The following SHISA6 variants were observed in gnomAD, a reference collection of about 807,000 sequenced individuals.
The protein encoded by SHISA6 is shisa family member 6, also known as protein shisa-6.
Under a neutral mutation model 47.9 loss-of-function variants are expected in SHISA6, and 22 were observed. That is an observed-to-expected ratio of 0.46 (90% confidence interval 0.33 to 0.66). The LOEUF (loss-of-function observed/expected upper bound fraction) is 0.66. Ranked by LOEUF, SHISA6 falls within the 30% of genes least tolerant of loss-of-function variation. The pLI, the probability that SHISA6 is intolerant of heterozygous loss-of-function variation, is 0.02. For synonymous variants in SHISA6, 388 were observed against 337.8 expected (o/e 1.15, Z -1.63); for missense variants, 680 against 764.6 (o/e 0.89, Z 1.30).
At position 11,531,743 on chromosome 17, in the gene SHISA6, G is replaced by A. The variant is rs567835254; in HGVS notation, c.896-20153G>A. Among the ~76,000 whole-genome samples the A allele has an allele frequency of 3.9e-5, 6 of 152,282 alleles. No homozygotes were observed. The South Asian group carries it at 1.2e-3, about 32-fold the overall frequency. The stretch of plus-strand genomic sequence containing the variant: ...GATTCAGAAGCAATGCCTTAGACGG[G>A]AGGAATAAGCTTTAGTGATCCACTG... On this transcript the variant is annotated intron_variant, in intron 3 of 5. Transcript: ENST00000441885.
chr17:11,459,203 A>G (rs1299474561), intron 3 of SHISA6, among the ~76,000 whole-genome samples: 1 of 143,668 alleles, frequency 7.0e-6, no homozygotes, highest in Admixed American at 7.2e-5. Flanking sequence ...CGGGCGACAG[A>G]GCGAGACTCC....
intron 2 of SHISA6, among the ~76,000 whole-genome samples, chr17:11,280,927 A>C (rs558615614): frequency 6.6e-6 from 1 of 152,266 alleles, no homozygotes; most frequent in African/African-American, 2.4e-5. Context: ...TTACATTCGC[A>C]TTCATAATCA....
chr17:11,264,231 A>G (rs1256914423), intron 2 of SHISA6, among the ~76,000 whole-genome samples: 5 of 152,228 alleles, frequency 3.3e-5, no homozygotes, highest in Admixed American at 6.5e-5. Flanking sequence ...ATTTATTGGA[A>G]TCTTGTTCTG....
intron 3 of SHISA6, among the ~76,000 whole-genome samples, chr17:11,496,432 T>C (rs2071409410): frequency 6.6e-6 from 1 of 152,228 alleles, no homozygotes; most frequent in African/African-American, 2.4e-5. Flanking sequence ...CTACAAGGGC[T>C]AGGCATAGAA....
At chr17:11,489,231 G>A (rs1916419409) in intron 3 of SHISA6, among the ~76,000 whole-genome samples, 1 of 151,898 alleles carries the variant, frequency 6.6e-6, no homozygotes, top group African/African-American at 2.4e-5. Context: ...AGTGCTTCTC[G>A]GGGCCCCAAT....
rs1426850236 is a variant in SHISA6, at chr17:11,559,702, G to T, written c.*1398G>T. 1 of 152,336 alleles carries T rather than the reference G, an allele frequency of 6.6e-6. No homozygotes were observed. 9.4% of individuals were successfully genotyped at this position (152,336 alleles called of 1,614,324 possible). A position where few individuals can be genotyped will look rare whatever the true frequency, so the allele number is the denominator to read the frequency against. ...GGTCCCCACAGCATCATCCCTTTGT[G>T]CAGGCACTGGGGTACCTGGTAGACC... On this transcript the variant is annotated 3_prime_UTR_variant, in exon 6 of 6. Transcript: ENST00000441885. The surrounding 1 kb of genome is among the most constrained non-coding windows in gnomAD (Gnocchi z 4.4).
chr17:11,393,955 G>A (rs2429375), intron 3 of SHISA6, among the ~76,000 whole-genome samples: 122,137 of 152,192 alleles, frequency 0.8, 50,102 homozygotes, highest in East Asian at 0.94. Context: ...CATCGTCCAG[G>A]TCTCTGCCTA....
chr17:11,444,516 T>G (rs1915181702), intron 3 of SHISA6, among the ~76,000 whole-genome samples: 1 of 152,112 alleles, frequency 6.6e-6, no homozygotes. Flanking sequence ...TAAGCTCCAG[T>G]ACAGGTCACT....
chr17:11,381,002 G>T (rs1262213162), intron 3 of SHISA6, among the ~76,000 whole-genome samples: 1 of 152,170 alleles, frequency 6.6e-6, no homozygotes, highest in Non-Finnish European at 1.5e-5. Context: ...CCTATCAGTT[G>T]CACGCCATTA....
At chr17:11,544,790 C>T (rs547314597) in intron 3 of SHISA6, among the ~76,000 whole-genome samples, 1 of 151,954 alleles carries the variant, frequency 6.6e-6, no homozygotes, top group African/African-American at 2.4e-5. Flanking sequence ...GAAACCCCGT[C>T]TCTACTAAAA....
At chr17:11,251,906 C>T (rs901313063) in intron 1 of SHISA6, among the ~76,000 whole-genome samples, 25 of 152,302 alleles carry the variant, frequency 1.6e-4, no homozygotes, top group African/African-American at 6.0e-4. Flanking sequence ...GTCCGGTTGT[C>T]ACAGGGCGGT....
chr17:11,520,820 TCTGTTC>T (rs1484385723), intron 3 of SHISA6, among the ~76,000 whole-genome samples: 1 of 152,182 alleles, frequency 6.6e-6, no homozygotes, highest in Non-Finnish European at 1.5e-5. Flanking sequence ...CCTGTTTTTA[TCTGTTC>T]CTTATGTCTA....
intron 2 of SHISA6, among the ~76,000 whole-genome samples, chr17:11,305,976 G>A (rs1218050162): frequency 2.6e-5 from 4 of 152,144 alleles, no homozygotes; most frequent in Non-Finnish European, 5.9e-5. Flanking sequence ...CCAGATGCCT[G>A]TGCGTACCCT....
At chr17:11,500,040 G>A (rs1447565999) in intron 3 of SHISA6, among the ~76,000 whole-genome samples, 3 of 152,180 alleles carry the variant, frequency 2.0e-5, no homozygotes, top group African/African-American at 7.2e-5. Flanking sequence ...ATCAGCCTGT[G>A]GAGCCTGAGA....
At chr17:11,332,045 G>T (rs1287433231) in intron 2 of SHISA6, among the ~76,000 whole-genome samples, 1 of 64,176 alleles carries the variant, frequency 1.6e-5, no homozygotes, top group African/African-American at 6.0e-5. Context: ...CCTCCCCCTC[G>T]GACTCCCCCT....
At chr17:11,547,478 A>G (rs1374045779) in intron 3 of SHISA6, among the ~76,000 whole-genome samples, 1 of 152,224 alleles carries the variant, frequency 6.6e-6, no homozygotes, top group African/African-American at 2.4e-5. Context: ...GGTCAAAGAG[A>G]AAACTAAGGC....
chr17:11,430,090 A>G (rs1180005461), intron 3 of SHISA6, among the ~76,000 whole-genome samples: 1 of 152,204 alleles, frequency 6.6e-6, no homozygotes. Flanking sequence ...ACTGAGGATC[A>G]CAGACTTCAA....
At chr17:11,414,571 CT>C (rs1466011803) in intron 3 of SHISA6, among the ~76,000 whole-genome samples, 1 of 152,164 alleles carries the variant, frequency 6.6e-6, no homozygotes, top group Non-Finnish European at 1.5e-5. Flanking sequence ...TTCCCTGTGG[CT>C]TTTGTAGCTG....
At chr17:11,378,761 G>A (rs975327754) in intron 2 of SHISA6, among the ~76,000 whole-genome samples, 7 of 152,166 alleles carry the variant, frequency 4.6e-5, no homozygotes, top group Non-Finnish European at 8.8e-5. Context: ...TTAAAGAAGC[G>A]AAGCACGTAT....
Sources: allele counts gnomAD v4.1 joint callset (sites outside exome capture counted in the v4.1 genomes callset), GRCh38; gene constraint gnomAD v4.1.1; non-coding constraint Gnocchi (gnomAD v3.1); transcripts MANE v1.5; gene names NCBI Gene and HGNC (gene_info 2026-07-23, HGNC 2026-07-21).